Variants in KCTD1 observed in about 807,000 individuals in gnomAD.
KCTD1 encodes the protein BTB/POZ domain-containing protein KCTD1.
A neutral mutation model predicts 66.0 loss-of-function variants in KCTD1; 24 were observed. The observed-to-expected ratio is 0.36, with a 90% confidence interval of 0.26 to 0.51. The LOEUF is 0.51. KCTD1 is among the 20% of genes least tolerant of loss of function. The probability of loss-of-function intolerance (pLI) is 0.95; values close to 1 mark genes in which losing one functional copy is unlikely to be tolerated. For missense variants in KCTD1, 943 were observed against 1,205.2 expected, an observed-to-expected ratio of 0.78 and a Z score of 3.22; for synonymous variants, 511 against 517.2, an observed-to-expected ratio of 0.99 and a Z score of 0.16.
intron 1 of KCTD1, among the ~76,000 whole-genome samples, chr18:26,611,332 TTTTGTTTGTTTGTTTG>T (rs141699243): frequency 0.09 from 13,489 of 150,518 alleles, 645 homozygotes; most frequent in African/African-American, 0.13. Context: ...AGTAACTGGG[TTTTGTTTGTTTGTTTG>T]TTTGTTTGTT....
chr18:26,573,271 G>T (rs996306033), intron 1 of KCTD1, among the ~76,000 whole-genome samples: 18 of 152,096 alleles, frequency 1.2e-4, no homozygotes, highest in African/African-American at 4.1e-4. Flanking sequence ...GGAGAATGAG[G>T]TGTTATTGTT....
chr18:26,599,920 C>G, intron 1 of KCTD1: 1 of 1,571,644 alleles, frequency 6.4e-7, no homozygotes, highest in Non-Finnish European at 8.8e-7. Context: ...TTCTTCTAGT[C>G]AGCTTAAGTT....
In KCTD1 at chr18:26,548,138, G is replaced by A. The variant is rs1350634177; in HGVS notation, c.399C>T (p.Pro133=). 24 of 1,332,468 alleles carry A rather than the reference G, an allele frequency of 1.8e-5. No homozygotes were observed. The highest frequency in any genetic ancestry group is 2.2e-5 in the South Asian group (1 of 44,798). 82.5% of individuals were successfully genotyped at this position (1,332,468 alleles called of 1,614,324 possible). A position where few individuals can be genotyped will look rare whatever the true frequency, so the allele number is the denominator to read the frequency against. The change falls in exon 1 of 5, where the codon CCC becomes CCT. Residue 133 remains proline (P), a synonymous_variant. Transcript: ENST00000580059. The part of the protein sequence containing the change: ...INMDQSAALE[P]EAPPRLLAPR... ...GCGCCAGCAGTCGCGGCGGCGCCTCGGGCTCCAGCGCGGCGCTCTGGTCCA... is the reference window on the plus strand; with the variant it reads ...GCGCCAGCAGTCGCGGCGGCGCCTCAGGCTCCAGCGCGGCGCTCTGGTCCA...
intron 2 of KCTD1, among the ~76,000 whole-genome samples, chr18:26,497,803 T>A (rs1441634644): frequency 6.6e-6 from 1 of 152,112 alleles, no homozygotes; most frequent in Non-Finnish European, 1.5e-5. Context: ...CTTAAAGATA[T>A]CTCCTAATGA....
chr18:26,567,444 A>G (rs963381828), intron 1 of KCTD1, among the ~76,000 whole-genome samples: 2 of 150,704 alleles, frequency 1.3e-5, no homozygotes, highest in African/African-American at 4.9e-5. Context: ...GTTGTTCTAG[A>G]GGAAATGCTG....
At chr18:26,591,090 G>A (rs1986591476) in intron 1 of KCTD1, among the ~76,000 whole-genome samples, 1 of 152,076 alleles carries the variant, frequency 6.6e-6, no homozygotes, top group Admixed American at 6.6e-5. Flanking sequence ...AGGCTGGAGT[G>A]CAGTGGTGCA....
At chr18:26,626,317 G>C (rs1018852841) in intron 1 of KCTD1, among the ~76,000 whole-genome samples, 2 of 152,064 alleles carry the variant, frequency 1.3e-5, no homozygotes, top group Non-Finnish European at 2.9e-5. Context: ...CAGGGCTTGA[G>C]GGAAGCAGAC....
intron 1 of KCTD1, among the ~76,000 whole-genome samples, chr18:26,558,719 C>T (rs973820228): frequency 3.3e-5 from 5 of 152,014 alleles, no homozygotes; most frequent in African/African-American, 9.7e-5. Flanking sequence ...GTCAAGAGAT[C>T]GAGACCATCC....
At chr18:26,619,606 C>T (rs1180167076) in intron 1 of KCTD1, among the ~76,000 whole-genome samples, 1 of 152,194 alleles carries the variant, frequency 6.6e-6, no homozygotes, top group Non-Finnish European at 1.5e-5. Context: ...ATTCAGGTCT[C>T]ATTTTTCTAG....
upstream of KCTD1, among the ~76,000 whole-genome samples, chr18:26,551,091 C>G (rs985682311): frequency 6.6e-6 from 1 of 152,220 alleles, no homozygotes; most frequent in Non-Finnish European, 1.5e-5. Context: ...CCACCCCCCT[C>G]CCACCAGCTC....
intron 1 of KCTD1, among the ~76,000 whole-genome samples, chr18:26,623,453 G>A (rs1414453972): frequency 6.6e-6 from 1 of 152,098 alleles, no homozygotes. Context: ...TTACCCCCAT[G>A]CTGCTGTTCT....
intron 2 of KCTD1, among the ~76,000 whole-genome samples, chr18:26,498,648 A>G (rs970173092): frequency 6.6e-6 from 1 of 151,920 alleles, no homozygotes; most frequent in Non-Finnish European, 1.5e-5. Flanking sequence ...TGATATTTCA[A>G]TTTGGATTGG....
intron 1 of KCTD1, among the ~76,000 whole-genome samples, chr18:26,531,696 C>T (rs1333679243): frequency 6.6e-6 from 1 of 152,172 alleles, no homozygotes; most frequent in Non-Finnish European, 1.5e-5. Flanking sequence ...TAAATGTCAC[C>T]TGACCAGGTA....
Position 26,652,085 on chromosome 18 carries a change from A to G in KCTD1, c.9+5275T>C, listed in dbSNP as rs545915202. On this transcript the variant is annotated intron_variant, in intron 1 of 4. Transcript: ENST00000580191. ...AGGCAGCTGAGATAAGGTGAGACTG[A>G]TATGGACCGAGGGACTGAGACAGCA... Among the ~76,000 whole-genome samples the G allele has an allele frequency of 3.3e-5, 5 of 152,266 alleles. No homozygotes were observed. In the South Asian group the frequency reaches 1.0e-3, roughly 32 times the overall value.
intron 2 of KCTD1, among the ~76,000 whole-genome samples, chr18:26,481,379 A>C (rs1387286868): frequency 6.6e-6 from 1 of 152,174 alleles, no homozygotes; most frequent in Non-Finnish European, 1.5e-5. Context: ...GCAGGAGGTA[A>C]GGTTAGGTAA....
chr18:26,575,881 T>C (rs1158995774), intron 1 of KCTD1, among the ~76,000 whole-genome samples: 1 of 152,200 alleles, frequency 6.6e-6, no homozygotes, highest in African/African-American at 2.4e-5. Context: ...GATGAGGCTT[T>C]AAGTGTCAGC....
At position 26,590,458 on chromosome 18, in the gene KCTD1, A is replaced by G. The variant is rs528191281; in HGVS notation, c.-16+38689T>C. Among the ~76,000 whole-genome samples the G allele has an allele frequency of 3.9e-5, 6 of 152,278 alleles. No individual in the cohort carries two copies. The East Asian group carries it at 1.2e-3, about 29-fold the overall frequency. ...CTGAGTCTGTTATTATTAGTGGCCC[A>G]AAGCATCCTAAGCAAATTGTGACTT... On this transcript the variant is annotated intron_variant, in intron 1 of 4. Transcript: ENST00000317932.
upstream of KCTD1, among the ~76,000 whole-genome samples, chr18:26,643,684 C>T (rs546854424): frequency 5.9e-5 from 9 of 152,030 alleles, no homozygotes; most frequent in Admixed American, 1.3e-4. Flanking sequence ...GCCTGCTGGC[C>T]GGGTGCGGTG....
At chr18:26,535,107 T>TGGGGTGGGGGGGGG (rs1555639965) in intron 1 of KCTD1, among the ~76,000 whole-genome samples, 1 of 56,622 alleles carries the variant, frequency 1.8e-5, no homozygotes, top group African/African-American at 7.6e-5. Flanking sequence ...GGCCTGGGGT[T>TGGGGTGGGGGGGGG]GGGGGGTGGG....
Sources: allele counts gnomAD v4.1 joint callset (sites outside exome capture counted in the v4.1 genomes callset), GRCh38; gene constraint gnomAD v4.1.1; transcripts MANE v1.5; gene names NCBI Gene and HGNC (gene_info 2026-07-23, HGNC 2026-07-21).